KDM4C: variants seen among roughly 807,000 people sequenced by gnomAD.
KDM4C encodes lysine demethylase 4C.
KDM4C carries 81 observed loss-of-function variants against 129.3 expected under a neutral mutation model. The observed-to-expected ratio is 0.63, with a 90% CI of 0.52 to 0.75. The LOEUF (loss-of-function observed/expected upper bound fraction) is 0.75, where lower values mean the gene tolerates loss of function less well. Ranked by LOEUF, KDM4C falls within the 30% of genes least tolerant of loss-of-function variation. KDM4C has a pLI of 0.00. For missense variants in KDM4C, 1,457 were observed against 1,304.0 expected, an observed-to-expected ratio of 1.12 and a Z score of -1.81; for synonymous variants, 573 against 456.1, an observed-to-expected ratio of 1.26 and a Z score of -3.26.
At chr9:6,930,702 CAT>C (rs1476630242) in intron 8 of KDM4C, among the ~76,000 whole-genome samples, 9 of 131,840 alleles carry the variant, frequency 6.8e-5, no homozygotes, top group Non-Finnish European at 1.3e-4. Context: ...ATTAACATAT[CAT>C]ATGATTATAC....
intron 13 of KDM4C, among the ~76,000 whole-genome samples, chr9:7,013,073 G>C (rs1822984808): frequency 6.6e-6 from 1 of 151,660 alleles, no homozygotes. Flanking sequence ...ACTACTTATT[G>C]ATTCTTATTT....
chr9:6,720,901 A>C (rs778691961), exon 1 of KDM4C: 1 of 1,514,962 alleles, frequency 6.6e-7, no homozygotes, highest in Non-Finnish European at 9.0e-7. Flanking sequence ...AAGTTGTTGA[A>C]TAGTTGGAGT....
At chr9:6,726,591 C>G (rs989328600) in intron 1 of KDM4C, 1 of 152,516 alleles carries the variant, frequency 6.6e-6, no homozygotes, top group East Asian at 1.9e-4. Context: ...TGGTCACCCT[C>G]CACACTGCTT....
At chr9:6,818,134 C>G (rs952461890) in intron 4 of KDM4C, among the ~76,000 whole-genome samples, 2 of 152,092 alleles carry the variant, frequency 1.3e-5, no homozygotes, top group African/African-American at 4.8e-5. Flanking sequence ...ATATGCATGC[C>G]TGTGATTGCA....
At chr9:6,835,535 A>G (rs1454568452) in intron 4 of KDM4C, 2 of 1,467,262 alleles carry the variant, frequency 1.4e-6, no homozygotes, top group Non-Finnish European at 9.5e-7. Context: ...AAGCAGGAGT[A>G]TGATGAGTCC....
At chr9:7,143,311 A>T (rs561688259) in intron 19 of KDM4C, among the ~76,000 whole-genome samples, 1 of 152,366 alleles carries the variant, frequency 6.6e-6, no homozygotes, top group Non-Finnish European at 1.5e-5. Context: ...AGATATCACA[A>T]TTGAAATATT....
intron 20 of KDM4C, among the ~76,000 whole-genome samples, chr9:7,165,681 A>T (rs750545176): frequency 6.6e-6 from 1 of 152,254 alleles, no homozygotes; most frequent in African/African-American, 2.4e-5. Context: ...TGGCCGATTC[A>T]TCTAACCTTC....
chr9:6,840,334 A>G (rs1431956354), intron 4 of KDM4C, among the ~76,000 whole-genome samples: 2 of 151,956 alleles, frequency 1.3e-5, no homozygotes, highest in Non-Finnish European at 2.9e-5. Context: ...TGGCCTCCTG[A>G]AATGCTAGGA....
chr9:7,153,199 A>G (rs1254306919), intron 19 of KDM4C, among the ~76,000 whole-genome samples: 4 of 152,158 alleles, frequency 2.6e-5, no homozygotes, highest in Non-Finnish European at 4.4e-5. Flanking sequence ...TGGCCGCCCA[A>G]AGTGCTGGGA....
chr9:6,972,963 A>C (rs1465862912), intron 8 of KDM4C, among the ~76,000 whole-genome samples: 1 of 152,112 alleles, frequency 6.6e-6, no homozygotes, highest in African/African-American at 2.4e-5. Context: ...GTCCACTTTA[A>C]ATCATTTCAT....
intron 5 of KDM4C, among the ~76,000 whole-genome samples, chr9:6,875,480 G>T (rs1843406658): frequency 6.6e-6 from 1 of 152,168 alleles, no homozygotes; most frequent in South Asian, 2.1e-4. Flanking sequence ...ATTTTGTCCT[G>T]GTGCCTGGTA....
At chr9:7,145,174 A>G (rs1341148142) in intron 19 of KDM4C, among the ~76,000 whole-genome samples, 9 of 148,998 alleles carry the variant, frequency 6.0e-5, no homozygotes, top group Non-Finnish European at 1.3e-4. Context: ...TTATAGAGTT[A>G]AAGGTGCGTG....
intron 8 of KDM4C, among the ~76,000 whole-genome samples, chr9:6,928,524 A>C (rs1396253006): frequency 6.6e-6 from 1 of 151,562 alleles, no homozygotes; most frequent in African/African-American, 2.4e-5. Context: ...TTTCACCAAG[A>C]TTGTAGAGGG....
At chr9:6,998,011 C>A (rs1022081250) in intron 12 of KDM4C, among the ~76,000 whole-genome samples, 4 of 152,202 alleles carry the variant, frequency 2.6e-5, no homozygotes, top group African/African-American at 9.7e-5. Flanking sequence ...TGGATATTGG[C>A]AATATTCAGA....
intron 17 of KDM4C, among the ~76,000 whole-genome samples, chr9:7,103,226 T>C (rs904316172): frequency 6.6e-6 from 1 of 152,226 alleles, no homozygotes; most frequent in Non-Finnish European, 1.5e-5. Context: ...CTATGCTGTT[T>C]GGGTGTTTTT....
chr9:6,810,852 C>T (rs1034028106), intron 3 of KDM4C, among the ~76,000 whole-genome samples: 1 of 151,952 alleles, frequency 6.6e-6, no homozygotes, highest in Non-Finnish European at 1.5e-5. Flanking sequence ...GCCTGGGTGA[C>T]AAGAGCAAGA....
chr9:6,782,107 A>G (rs551651204), intron 1 of KDM4C, among the ~76,000 whole-genome samples: 2 of 152,290 alleles, frequency 1.3e-5, no homozygotes, highest in East Asian at 3.9e-4. Flanking sequence ...TACAGGTGTG[A>G]GCCACCATGC....
At chr9:6,915,688 A>C (rs182676183) in intron 8 of KDM4C, among the ~76,000 whole-genome samples, 1 of 152,196 alleles carries the variant, frequency 6.6e-6, no homozygotes, top group Non-Finnish European at 1.5e-5. Context: ...AACAATTTGT[A>C]TATTCCTTGG....
At chr9:6,734,170 C>A (rs985822093) in intron 1 of KDM4C, among the ~76,000 whole-genome samples, 1 of 151,862 alleles carries the variant, frequency 6.6e-6, no homozygotes, top group Non-Finnish European at 1.5e-5. Flanking sequence ...TAACAAGGCA[C>A]CTTAATTTAG....
Sources: gnomAD v4.1 joint callset for allele counts (sites outside exome capture counted in the v4.1 genomes callset) on GRCh38, gnomAD v4.1.1 for gene constraint, MANE v1.5 for transcripts, NCBI Gene and HGNC (gene_info 2026-07-23, HGNC 2026-07-21) for gene names.